The following DLG2 variants were observed in gnomAD, a reference collection of about 807,000 sequenced individuals.
DLG2 encodes disks large homolog 2.
Under a neutral mutation model 132.5 loss-of-function variants are expected in DLG2, and 45 were observed. The ratio of observed to expected loss-of-function variants is 0.34; its 90% CI spans 0.27 to 0.44. DLG2 has a LOEUF of 0.44. Among genes scored for constraint, DLG2 ranks in the 20% least tolerant of loss-of-function variants. The pLI, the probability that DLG2 is intolerant of heterozygous loss-of-function variation, is 1.00. For missense variants in DLG2, 1,045 were observed against 1,196.9 expected (o/e 0.87, Z 1.87); for synonymous variants, 424 against 419.6 (o/e 1.01, Z -0.13).
At chr11:85,550,716 G>C (rs907316723) in intron 3 of DLG2, among the ~76,000 whole-genome samples, 17 of 152,334 alleles carry the variant, frequency 1.1e-4, no homozygotes, top group East Asian at 3.9e-4. Flanking sequence ...TGGCTAGTTT[G>C]GGTACGGCAT....
chr11:84,684,499 A>G (rs759707210), intron 6 of DLG2, among the ~76,000 whole-genome samples: 2 of 152,268 alleles, frequency 1.3e-5, no homozygotes, highest in East Asian at 3.9e-4. Flanking sequence ...TGGGCTACCT[A>G]TGAAAGCAGC....
intron 11 of DLG2, among the ~76,000 whole-genome samples, chr11:84,036,661 A>G (rs1281357647): frequency 6.6e-6 from 1 of 152,156 alleles, no homozygotes; most frequent in African/African-American, 2.4e-5. Flanking sequence ...TTAAATTGCA[A>G]GAGTTTTCTT....
Position 84,772,633 on chromosome 11 carries a change from C to T in DLG2, c.358-237902G>A, listed in dbSNP as rs182016452. 2.6e-4 allele frequency among the ~76,000 whole-genome samples: 40 copies of T among 152,096 alleles called. No homozygotes were observed. The East Asian group carries it at 7.7e-3, about 29-fold the overall frequency. Reference sequence around the variant, plus strand: ...AGTGAGATAAAAAAAGAAACCAATACCAAGACGAACTCTCAAGACCACACA... The same window carrying T: ...AGTGAGATAAAAAAAGAAACCAATATCAAGACGAACTCTCAAGACCACACA... On this transcript the variant is annotated intron_variant, in intron 6 of 27. Transcript: ENST00000376104.
chr11:84,658,607 T>TC (rs1465449478), intron 6 of DLG2, among the ~76,000 whole-genome samples: 2 of 152,122 alleles, frequency 1.3e-5, no homozygotes, highest in Non-Finnish European at 2.9e-5. Context: ...TTTGGTGATC[T>TC]CCCCATGGTA....
At chr11:85,496,444 G>C (rs144823734) in intron 3 of DLG2, among the ~76,000 whole-genome samples, 64 of 152,288 alleles carry the variant, frequency 4.2e-4, no homozygotes, top group African/African-American at 1.5e-3. Flanking sequence ...GCCCACTGCA[G>C]CTCATCAAGA....
chr11:83,735,222 T>C (rs1458351393), intron 18 of DLG2, among the ~76,000 whole-genome samples: 2 of 152,196 alleles, frequency 1.3e-5, no homozygotes, highest in East Asian at 3.8e-4. Context: ...TGTAATTTCA[T>C]AGGTACGTAT....
intron 7 of DLG2, among the ~76,000 whole-genome samples, chr11:84,260,651 C>T (rs577914155): frequency 1.3e-5 from 2 of 152,276 alleles, no homozygotes; most frequent in South Asian, 2.1e-4. Context: ...TTACTCCTTA[C>T]AGAACCCCAG....
At chr11:83,811,486 C>T (rs944315626) in intron 17 of DLG2, among the ~76,000 whole-genome samples, 8 of 152,028 alleles carry the variant, frequency 5.3e-5, no homozygotes, top group African/African-American at 1.9e-4. Context: ...TTAATTTCTA[C>T]TTTTTAATGT....
chr11:85,340,644 T>A (rs950005887), intron 3 of DLG2, among the ~76,000 whole-genome samples: 3 of 152,320 alleles, frequency 2.0e-5, no homozygotes, highest in Non-Finnish European at 4.4e-5. Flanking sequence ...ATATAATTTT[T>A]AAAAAGGTAA....
chr11:83,687,603 G>A (rs2080042915), intron 18 of DLG2, among the ~76,000 whole-genome samples: 1 of 152,082 alleles, frequency 6.6e-6, no homozygotes, highest in Non-Finnish European at 1.5e-5. Flanking sequence ...ATGATGGTGA[G>A]AATAAACAGT....
At chr11:85,146,096 C>A (rs1183629255) in intron 5 of DLG2, among the ~76,000 whole-genome samples, 1 of 152,092 alleles carries the variant, frequency 6.6e-6, no homozygotes. Flanking sequence ...TTGCAGACTC[C>A]TAGAGGTACC....
intron 6 of DLG2, among the ~76,000 whole-genome samples, chr11:84,550,145 CACACAT>C (rs769315806): frequency 2.0e-5 from 3 of 146,818 alleles, no homozygotes; most frequent in South Asian, 2.3e-4. Flanking sequence ...CACACACACA[CACACAT>C]ACACACACAT....
chr11:85,026,204 TTATC>T (rs1281857639), intron 6 of DLG2, among the ~76,000 whole-genome samples: 13 of 151,992 alleles, frequency 8.6e-5, no homozygotes, highest in Admixed American at 5.2e-4. Flanking sequence ...AAGAAAATAT[TTATC>T]AAAGTTATAG....
intron 4 of DLG2, among the ~76,000 whole-genome samples, chr11:85,283,249 GATTA>G (rs574804150): frequency 2.0e-4 from 30 of 150,924 alleles, no homozygotes; most frequent in African/African-American, 4.9e-4. Context: ...GTTAAAAATT[GATTA>G]ATTAATTAAT....
chr11:84,927,447 T>G (rs2047530294), intron 6 of DLG2, among the ~76,000 whole-genome samples: 1 of 152,032 alleles, frequency 6.6e-6, no homozygotes, highest in African/African-American at 2.4e-5. Context: ...ATCAGTATTC[T>G]ATAGAGCTCC....
intron 16 of DLG2, among the ~76,000 whole-genome samples, chr11:83,872,839 A>T (rs1348033944): frequency 6.6e-6 from 1 of 152,180 alleles, no homozygotes. Context: ...CTTCAAAAGG[A>T]ATAATAAAGT....
At chr11:83,561,665 T>C (rs1319942508) in intron 19 of DLG2, among the ~76,000 whole-genome samples, 2 of 152,206 alleles carry the variant, frequency 1.3e-5, no homozygotes, top group African/African-American at 2.4e-5. Context: ...ACCTGTGTTA[T>C]TTAGTCCTTG....
intron 3 of DLG2, among the ~76,000 whole-genome samples, chr11:85,483,458 T>C (rs1040710269): frequency 6.6e-6 from 1 of 152,160 alleles, no homozygotes; most frequent in Admixed American, 6.5e-5. Flanking sequence ...AACAGCCCTA[T>C]CTTACAAGAG....
At chr11:85,396,276 C>T (rs935402339) in intron 3 of DLG2, among the ~76,000 whole-genome samples, 1 of 152,072 alleles carries the variant, frequency 6.6e-6, no homozygotes, top group African/African-American at 2.4e-5. Context: ...CTTTAGGACA[C>T]CAGAATCAAA....
Sources: gnomAD v4.1 joint callset for allele counts (sites outside exome capture counted in the v4.1 genomes callset) on GRCh38, gnomAD v4.1.1 for gene constraint, MANE v1.5 for transcripts, NCBI Gene and HGNC (gene_info 2026-07-23, HGNC 2026-07-21) for gene names.